GAB2: variants seen among roughly 807,000 people sequenced by gnomAD.
The protein encoded by GAB2 is GRB2 associated binding protein 2, also known as GRB2-associated-binding protein 2.
GAB2 carries 26 observed loss-of-function variants against 65.5 expected under a neutral mutation model. The observed-to-expected ratio is 0.40, with a 90% CI of 0.29 to 0.55. GAB2 has a LOEUF of 0.55. Among genes scored for constraint, GAB2 ranks in the 20% least tolerant of loss-of-function variants. GAB2 has a pLI of 0.53. For missense variants in GAB2, 884 were observed against 875.8 expected, an observed-to-expected ratio of 1.01 and a Z score of -0.12; for synonymous variants, 321 against 329.6, an observed-to-expected ratio of 0.97 and a Z score of 0.28.
At chr11:78,304,575 C>T (rs1284417868) in intron 1 of GAB2, among the ~76,000 whole-genome samples, 1 of 152,178 alleles carries the variant, frequency 6.6e-6, no homozygotes, top group South Asian at 2.1e-4. Context: ...CTTAACCAGG[C>T]TCCTTATTGC....
chr11:78,390,481 C>T (rs535677386), intron 1 of GAB2, among the ~76,000 whole-genome samples: 32 of 152,172 alleles, frequency 2.1e-4, no homozygotes, highest in African/African-American at 7.0e-4. Context: ...CCTAGCTACT[C>T]GGGAGGCTGA....
In GAB2 at chr11:78,219,801, G is replaced by A. The variant is rs148718087; in HGVS notation, c.1888-386C>T. ...ACAAACATCAGCCACAGGACTTTAC[G>A]TGCTGTGCTCACTGCCACCCTGTGA... On this transcript the variant is annotated intron_variant, in intron 9 of 9. Coordinates refer to ENST00000361507, the MANE Select transcript of GAB2 (RefSeq NM_080491.3). Among the ~76,000 whole-genome samples, 604 of 152,276 alleles carry A rather than the reference G, an allele frequency of 4.0e-3. 3 individuals carry two copies. Among genetic ancestry groups the A allele is most frequent in the African/African-American group, 0.014 (562 of 41,556 alleles).
intron 9 of GAB2, 67 bp downstream of exon 9, chr11:78,220,252 G>A: frequency 6.4e-7 from 1 of 1,572,826 alleles, no homozygotes; most frequent in Non-Finnish European, 8.7e-7. Flanking sequence ...AGGCACCCTG[G>A]CCTCCATGAT....
chr11:78,296,880 G>T (rs1290808273), intron 1 of GAB2, among the ~76,000 whole-genome samples: 1 of 152,222 alleles, frequency 6.6e-6, no homozygotes, highest in Non-Finnish European at 1.5e-5. Context: ...GGTGCCTGGT[G>T]AGGGCCCTGT....
intron 1 of GAB2, among the ~76,000 whole-genome samples, chr11:78,356,901 G>C (rs1006636788): frequency 1.4e-4 from 22 of 152,276 alleles, no homozygotes; most frequent in African/African-American, 5.3e-4. Flanking sequence ...GGTCACAAAA[G>C]GACAAATACT....
At chr11:78,292,029 T>TGAGA (rs1554984350) in intron 1 of GAB2, among the ~76,000 whole-genome samples, 4,664 of 105,906 alleles carry the variant, frequency 0.044, 235 homozygotes, top group African/African-American at 0.12. Context: ...TGTGTGTGTG[T>TGAGA]GAGAGAGAGA....
At chr11:78,236,737 T>C (rs1338254222) in intron 3 of GAB2, among the ~76,000 whole-genome samples, 1 of 151,024 alleles carries the variant, frequency 6.6e-6, no homozygotes, top group African/African-American at 2.4e-5. Context: ...ATATTATTTT[T>C]CTCCTTCATT....
intron 1 of GAB2, among the ~76,000 whole-genome samples, chr11:78,328,789 A>G (rs997936912): frequency 6.6e-6 from 1 of 150,780 alleles, no homozygotes; most frequent in Non-Finnish European, 1.5e-5. Context: ...GTGGGGTGAG[A>G]ATTGTTTGGA....
At chr11:78,395,341 C>G (rs1423751495) in intron 1 of GAB2, among the ~76,000 whole-genome samples, 1 of 152,198 alleles carries the variant, frequency 6.6e-6, no homozygotes, top group Non-Finnish European at 1.5e-5. Context: ...GTAATCACAG[C>G]TACAAAGAAG....
intron 6 of GAB2, 68 bp downstream of exon 6, chr11:78,223,344 C>A (rs575155507): frequency 1.5e-6 from 2 of 1,330,852 alleles, no homozygotes; most frequent in East Asian, 2.6e-5. Flanking sequence ...ATCCACATGA[C>A]CCCTAAGCAA....
chr11:78,331,219 T>G (rs1162591491), intron 1 of GAB2, among the ~76,000 whole-genome samples: 1 of 150,218 alleles, frequency 6.7e-6, no homozygotes, highest in African/African-American at 2.4e-5. Context: ...GGACCAGCAC[T>G]CCAACTCTTT....
intron 1 of GAB2, among the ~76,000 whole-genome samples, chr11:78,383,475 T>G (rs1191870843): frequency 1.3e-5 from 2 of 149,968 alleles, no homozygotes; most frequent in Non-Finnish European, 3.0e-5. Flanking sequence ...CCGTGTGTGG[T>G]GGCTCACGTA....
intron 1 of GAB2, among the ~76,000 whole-genome samples, chr11:78,398,738 T>C (rs1409438397): frequency 6.6e-6 from 1 of 152,250 alleles, no homozygotes; most frequent in East Asian, 1.9e-4. Context: ...GTGCCCATCA[T>C]GGATTTTGGC....
At chr11:78,334,513 T>C (rs1855966677) in intron 1 of GAB2, among the ~76,000 whole-genome samples, 1 of 152,226 alleles carries the variant, frequency 6.6e-6, no homozygotes, top group African/African-American at 2.4e-5. Flanking sequence ...GCAATGTCTA[T>C]CTGTCTGTGC....
At chr11:78,318,161 G>C (rs1454469903) in intron 1 of GAB2, 3 of 151,820 alleles carry the variant, frequency 2.0e-5, no homozygotes, top group Non-Finnish European at 4.4e-5. Context: ...ATCCATCAGA[G>C]AGTTGATAAT....
intron 1 of GAB2, among the ~76,000 whole-genome samples, chr11:78,381,486 C>T (rs1856696703): frequency 6.6e-6 from 1 of 152,196 alleles, no homozygotes; most frequent in African/African-American, 2.4e-5. Flanking sequence ...GACCTCCTCA[C>T]TCCCAGTACA....
intron 3 of GAB2, among the ~76,000 whole-genome samples, chr11:78,239,788 G>C (rs1865078032): frequency 6.6e-6 from 1 of 152,170 alleles, no homozygotes; most frequent in Admixed American, 6.5e-5. Context: ...AGTCCTCATA[G>C]GCACTAAGCC....
At chr11:78,245,950 C>A (rs12283679) in intron 3 of GAB2, among the ~76,000 whole-genome samples, 1 of 145,174 alleles carries the variant, frequency 6.9e-6, no homozygotes, top group Non-Finnish European at 1.5e-5. Flanking sequence ...TTCTTTTTTT[C>A]TTTTTTTTTT....
chr11:78,313,333 CCT>C (rs1855538839), intron 1 of GAB2, among the ~76,000 whole-genome samples: 1 of 152,116 alleles, frequency 6.6e-6, no homozygotes, highest in South Asian at 2.1e-4. Flanking sequence ...AATGGCCACT[CCT>C]GTTTTACATG....
Sources: gnomAD v4.1 joint callset for allele counts (sites outside exome capture counted in the v4.1 genomes callset) on GRCh38, gnomAD v4.1.1 for gene constraint, MANE v1.5 for transcripts, NCBI Gene and HGNC (gene_info 2026-07-23, HGNC 2026-07-21) for gene names.